SLX4IP: variants seen among roughly 807,000 people sequenced by gnomAD.
SLX4IP encodes SLX4 interacting protein.
Under a neutral mutation model 32.9 loss-of-function variants are expected in SLX4IP, and 34 were observed. The observed-to-expected ratio is 1.03, with a 90% CI of 0.79 to 1.38. The LOEUF is 1.38. SLX4IP is among the 40% of genes most tolerant of loss of function. The pLI, the probability that SLX4IP is intolerant of heterozygous loss-of-function variation, is 0.00. For synonymous variants in SLX4IP, 172 were observed against 171.7 expected (o/e 1.00, Z -0.01); for missense variants, 444 against 479.0 (o/e 0.93, Z 0.68).
rs1298513444 is a variant in SLX4IP at position 10,518,508 on chromosome 20, TCC to T, written c.28-37722_28-37721del. 5.3e-4 allele frequency among the ~76,000 whole-genome samples: 66 copies of T among 125,614 alleles called. 1 individual carries two copies. The highest frequency in any genetic ancestry group is 1.6e-3 in the African/African-American group (47 of 29,822). The allele number at this position is 125,614 out of a possible 152,430, so 82.4% of individuals were successfully genotyped here. ...CTTTCCTTTTCCTTCCTTCCTTCCTTCCTTCCTTCCTTCCTTCCTTCCTTCCT... is the reference window on the plus strand; with the variant it reads ...CTTTCCTTTTCCTTCCTTCCTTCCTTTTCCTTCCTTCCTTCCTTCCTTCCT... On this transcript the variant is annotated intron_variant, in intron 2 of 7. Coordinates refer to ENST00000334534, the MANE Select transcript of SLX4IP (RefSeq NM_001009608.3).
In SLX4IP at chr20:10,598,738, GCA is replaced by G. The variant is rs755234840; in HGVS notation, c.307_308del (p.Gln103GlufsTer3). On this transcript the variant is annotated frameshift_variant, in exon 5 of 8. Transcript: ENST00000334534. LOFTEE classifies it high-confidence loss of function. ...GGGATACGCCTTCGCTGCATCAGGAGCACACAGAATGCTGGTAAGAAGCCGAT... is the reference window on the plus strand; with the variant it reads ...GGGATACGCCTTCGCTGCATCAGGAGCACAGAATGCTGGTAAGAAGCCGAT... The G allele has an allele frequency of 2.0e-5, 33 of 1,613,956 alleles. 1 individual carries two copies. In the Admixed American group the frequency reaches 2.7e-4, roughly 13 times the overall value.
chr20:10,594,102 AAT>A (rs1466307563), intron 4 of SLX4IP, among the ~76,000 whole-genome samples: 1 of 152,234 alleles, frequency 6.6e-6, no homozygotes, highest in Non-Finnish European at 1.5e-5. Flanking sequence ...CAGTTTAGAA[AAT>A]ATGTGTATGA....
intron 6 of SLX4IP, among the ~76,000 whole-genome samples, chr20:10,609,789 A>ATT (rs571797047): frequency 1.3e-5 from 2 of 151,394 alleles, no homozygotes; most frequent in African/African-American, 4.9e-5. Context: ...CAGAGAAGGC[A>ATT]TTTTTTTTTA....
chr20:10,465,829 A>G (rs2065376315), intron 2 of SLX4IP, among the ~76,000 whole-genome samples: 1 of 152,182 alleles, frequency 6.6e-6, no homozygotes, highest in African/African-American at 2.4e-5. Flanking sequence ...TTTACAGCAC[A>G]TCTCAATTCC....
At chr20:10,609,301 G>A (rs2066939975) in intron 6 of SLX4IP, among the ~76,000 whole-genome samples, 1 of 152,220 alleles carries the variant, frequency 6.6e-6, no homozygotes, top group South Asian at 2.1e-4. Flanking sequence ...TCATTAGTTA[G>A]CAGATGATTT....
intron 2 of SLX4IP, among the ~76,000 whole-genome samples, chr20:10,498,713 A>G (rs1381311312): frequency 3.4e-5 from 5 of 147,678 alleles, no homozygotes; most frequent in Non-Finnish European, 7.5e-5. Context: ...GACGGAGTTT[A>G]CAACTGGTGA....
At chr20:10,488,858 T>C (rs2065595976) in intron 2 of SLX4IP, among the ~76,000 whole-genome samples, 1 of 152,204 alleles carries the variant, frequency 6.6e-6, no homozygotes, top group Non-Finnish European at 1.5e-5. Flanking sequence ...AGGCTGTCCA[T>C]TTCAAGTTGA....
chr20:10,621,533 G>A (rs143463611), intron 7 of SLX4IP, 119 bp downstream of exon 7: 35 of 798,648 alleles, frequency 4.4e-5, no homozygotes, highest in South Asian at 1.1e-4. Flanking sequence ...CCTCCGTCAC[G>A]TACTTACTCT....
Position 10,622,786 on chromosome 20 carries a change from T to C in SLX4IP, c.634T>C (p.Ser212Pro), listed in dbSNP as rs1358904185. Reference protein sequence around the residue: ...ARRRNDGQASSSPPSESMGQA... With the variant: ...ARRRNDGQASPSPPSESMGQA... ...GAGGAGGAATGATGGTCAGGCTTCCTCCAGTCCCCCATCAGAATCCATGGG... is the reference window on the plus strand; with the variant it reads ...GAGGAGGAATGATGGTCAGGCTTCCCCCAGTCCCCCATCAGAATCCATGGG... The change falls in exon 8 of 8, where the codon TCC becomes CCC. Residue 212 changes from serine (S) to proline (P), a missense_variant. By Grantham distance (74) the Ser-to-Pro change is moderately conservative (BLOSUM62 -1). Transcript: ENST00000334534. 6.2e-7 allele frequency: 1 copy of C among 1,614,102 alleles called. No homozygotes were observed. Among genetic ancestry groups the C allele is most frequent in the East Asian group, 2.2e-5 (1 of 44,876 alleles).
At chr20:10,530,016 G>A (rs1450221464) in intron 2 of SLX4IP, among the ~76,000 whole-genome samples, 2 of 152,160 alleles carry the variant, frequency 1.3e-5, no homozygotes, top group South Asian at 2.1e-4. Context: ...CTCAACTGCC[G>A]AGCCAGCACT....
chr20:10,585,868 G>A (rs535832053), intron 4 of SLX4IP, among the ~76,000 whole-genome samples: 1 of 152,230 alleles, frequency 6.6e-6, no homozygotes, highest in East Asian at 1.9e-4. Flanking sequence ...TGGAATTACA[G>A]GCATGAGCCA....
chr20:10,438,008 G>C (rs1165665725), intron 1 of SLX4IP, among the ~76,000 whole-genome samples: 1 of 152,198 alleles, frequency 6.6e-6, no homozygotes, highest in African/African-American at 2.4e-5. Context: ...AAAAATGCTT[G>C]TCATAGTGCC....
chr20:10,500,993 C>T (rs1261012952), intron 2 of SLX4IP, among the ~76,000 whole-genome samples: 1 of 152,114 alleles, frequency 6.6e-6, no homozygotes, highest in Non-Finnish European at 1.5e-5. Flanking sequence ...CCTGTAGAAC[C>T]AGTGTTTTCA....
At chr20:10,561,305 A>T (rs932684652) in intron 4 of SLX4IP, among the ~76,000 whole-genome samples, 1 of 152,034 alleles carries the variant, frequency 6.6e-6, no homozygotes, top group Non-Finnish European at 1.5e-5. Flanking sequence ...TTTACCCTAT[A>T]GTGCTATAGA....
At chr20:10,450,842 C>T (rs1251199994) in intron 1 of SLX4IP, among the ~76,000 whole-genome samples, 1 of 151,840 alleles carries the variant, frequency 6.6e-6, no homozygotes, top group Non-Finnish European at 1.5e-5. Context: ...AGCTCCGCCT[C>T]CCGGGTTCAC....
chr20:10,566,793 TGCTTTGTCAGAATC>T (rs1297285329), intron 4 of SLX4IP, among the ~76,000 whole-genome samples: 8 of 152,204 alleles, frequency 5.3e-5, no homozygotes, highest in African/African-American at 1.9e-4. Context: ...TAAAATGAGC[TGCTTTGTCAGAATC>T]GCAGTGGTGG....
intron 2 of SLX4IP, among the ~76,000 whole-genome samples, chr20:10,464,730 T>A (rs2065365898): frequency 6.6e-6 from 1 of 152,224 alleles, no homozygotes; most frequent in African/African-American, 2.4e-5. Flanking sequence ...CATTAATTAT[T>A]CATGCAAACG....
intron 2 of SLX4IP, among the ~76,000 whole-genome samples, chr20:10,490,975 C>T (rs895040929): frequency 4.6e-5 from 7 of 152,026 alleles, no homozygotes; most frequent in African/African-American, 1.7e-4. Flanking sequence ...AAGCAAGCTA[C>T]TTGTAATTCC....
At chr20:10,525,432 T>TA (rs1244973098) in intron 2 of SLX4IP, among the ~76,000 whole-genome samples, 2 of 152,304 alleles carry the variant, frequency 1.3e-5, no homozygotes, top group East Asian at 3.9e-4. Flanking sequence ...TTCCCTTCCA[T>TA]AGTTGTATTA....
Sources: allele counts gnomAD v4.1 joint callset (sites outside exome capture counted in the v4.1 genomes callset), GRCh38; gene constraint gnomAD v4.1.1; transcripts MANE v1.5; gene names NCBI Gene and HGNC (gene_info 2026-07-23, HGNC 2026-07-21).